Variants in CCDC15 observed in about 807,000 individuals in gnomAD.
CCDC15 encodes the protein coiled-coil domain-containing protein 15.
CCDC15 carries 105 observed loss-of-function variants against 114.5 expected under a neutral mutation model. That is an observed-to-expected ratio of 0.92 (90% confidence interval 0.78 to 1.08). The LOEUF (loss-of-function observed/expected upper bound fraction) is 1.08. Ranked by LOEUF, CCDC15 falls within the 50% of genes least tolerant of loss-of-function variation. The probability of loss-of-function intolerance (pLI) is 0.00; values close to 1 mark genes in which losing one functional copy is unlikely to be tolerated. For synonymous variants in CCDC15, 334 were observed against 377.8 expected (o/e 0.88, Z 1.34); for missense variants, 1,105 against 1,093.6 (o/e 1.01, Z -0.15).
chr11:124,974,626 G>A (rs1947943030), intron 4 of CCDC15, among the ~76,000 whole-genome samples: 1 of 152,102 alleles, frequency 6.6e-6, no homozygotes, highest in Non-Finnish European at 1.5e-5. Flanking sequence ...GGTGAAAGGA[G>A]TCATGTAAAT....
intron 13 of CCDC15, among the ~76,000 whole-genome samples, chr11:125,025,119 TATATATATGA>T (rs1259929455): frequency 1.3e-4 from 17 of 131,740 alleles, no homozygotes; most frequent in African/African-American, 3.1e-4. Context: ...TATATGTGAG[TATATATATGA>T]ATATATATGA....
At chr11:124,972,397 TCA>T (rs1412669592) in intron 4 of CCDC15, among the ~76,000 whole-genome samples, 3 of 152,186 alleles carry the variant, frequency 2.0e-5, no homozygotes, top group Non-Finnish European at 4.4e-5. Flanking sequence ...CCACAGACAT[TCA>T]CACAATTACA....
chr11:124,977,217 TC>T (rs1947988411), intron 5 of CCDC15, among the ~76,000 whole-genome samples: 1 of 152,190 alleles, frequency 6.6e-6, no homozygotes, highest in African/African-American at 2.4e-5. Context: ...TCATGAGTCT[TC>T]TGAAATTGTT....
chr11:124,998,842 G>A (rs956039699), intron 11 of CCDC15, among the ~76,000 whole-genome samples: 5 of 151,176 alleles, frequency 3.3e-5, no homozygotes, highest in South Asian at 2.1e-4. Context: ...AGGTTCAAGC[G>A]ATTCTCCTGC....
intron 4 of CCDC15, among the ~76,000 whole-genome samples, chr11:124,966,587 C>G (rs1278549792): frequency 1.3e-5 from 2 of 152,044 alleles, no homozygotes; most frequent in African/African-American, 4.8e-5. Flanking sequence ...GGTCTTGACT[C>G]TTTATTCAAT....
intron 4 of CCDC15, among the ~76,000 whole-genome samples, chr11:124,966,437 A>G (rs1591572732): frequency 6.7e-6 from 1 of 150,098 alleles, no homozygotes; most frequent in Non-Finnish European, 1.5e-5. Context: ...AGTCTGTTTT[A>G]TCAGAGACTA....
At chr11:125,010,201 ATC>A (rs1200174220) in intron 13 of CCDC15, among the ~76,000 whole-genome samples, 1 of 152,064 alleles carries the variant, frequency 6.6e-6, no homozygotes, top group East Asian at 1.9e-4. Context: ...TTTTACTAAT[ATC>A]TGTTTTGACT....
chr11:125,021,673 G>T (rs935387167), intron 13 of CCDC15, among the ~76,000 whole-genome samples: 1 of 151,836 alleles, frequency 6.6e-6, no homozygotes, highest in African/African-American at 2.4e-5. Flanking sequence ...TGTTTGTGAA[G>T]AGAGGAGTAT....
chr11:124,987,079 ATT>A (rs762439874), intron 7 of CCDC15, 46 bp from the exon 8 acceptor site: 1 of 1,435,346 alleles, frequency 7.0e-7, no homozygotes, highest in Admixed American at 3.0e-5. Flanking sequence ...AATCTAGAGT[ATT>A]GCTACTAACT....
intron 4 of CCDC15, among the ~76,000 whole-genome samples, chr11:124,968,095 G>A (rs1947815011): frequency 6.6e-6 from 1 of 152,180 alleles, no homozygotes; most frequent in Non-Finnish European, 1.5e-5. Context: ...CTCCCAGTTA[G>A]GCTACAGGAG....
chr11:124,956,799 A>G (rs1399874713), intron 2 of CCDC15, among the ~76,000 whole-genome samples: 1 of 152,214 alleles, frequency 6.6e-6, no homozygotes, highest in African/African-American at 2.4e-5. Flanking sequence ...TAGCATATCT[A>G]GTCTGGGTAT....
At chr11:124,990,279 A>G (rs1018270023) in intron 8 of CCDC15, among the ~76,000 whole-genome samples, 2 of 152,198 alleles carry the variant, frequency 1.3e-5, no homozygotes, top group African/African-American at 4.8e-5. Flanking sequence ...GCTGTCTTAG[A>G]TGAGCGTGGT....
At chr11:124,960,338 A>AT in intron 4 of CCDC15, among the ~76,000 whole-genome samples, 1 of 23,654 alleles carries the variant, frequency 4.2e-5, no homozygotes, top group East Asian at 1.6e-3. Flanking sequence ...AAAAAAAAAA[A>AT]AAAAAAAAAA....
At chr11:124,988,228 T>TA in intron 8 of CCDC15, 94 bp downstream of exon 8, 1 of 1,301,790 alleles carries the variant, frequency 7.7e-7, no homozygotes, top group Non-Finnish European at 1.0e-6. Context: ...ACCTTGGAGA[T>TA]ACTGTGGGTT....
At chr11:124,972,593 G>C (rs1327156156) in intron 4 of CCDC15, among the ~76,000 whole-genome samples, 2 of 152,016 alleles carry the variant, frequency 1.3e-5, no homozygotes, top group Non-Finnish European at 2.9e-5. Context: ...TTACCTCAAA[G>C]TTAATAACTT....
At chr11:124,993,477 G>T (rs1948306660) in intron 11 of CCDC15, among the ~76,000 whole-genome samples, 1 of 152,136 alleles carries the variant, frequency 6.6e-6, no homozygotes, top group Non-Finnish European at 1.5e-5. Context: ...CAGTCTTCTT[G>T]ACTGAAGCTT....
chr11:125,022,157 G>T (rs570882665), intron 13 of CCDC15, among the ~76,000 whole-genome samples: 2 of 151,958 alleles, frequency 1.3e-5, no homozygotes, highest in South Asian at 4.1e-4. Context: ...TCTTTTAAGA[G>T]AGCAAGATGA....
At chr11:124,958,983 A>ATT in intron 2 of CCDC15, 132 bp from the exon 3 acceptor site, 2 of 547,212 alleles carry the variant, frequency 3.7e-6, no homozygotes, top group Non-Finnish European at 3.0e-6. Context: ...CATACATTCC[A>ATT]TTTTTTTTTG....
At position 125,011,242 on chromosome 11, in the gene CCDC15, A is replaced by AT. The variant is rs558615124; in HGVS notation, c.2411+6032dup. 2.0e-4 allele frequency among the ~76,000 whole-genome samples: 29 copies of AT among 143,524 alleles called. 2 individuals are homozygous for AT. The highest frequency in any genetic ancestry group is 5.0e-4 in the African/African-American group (19 of 38,242). 94.2% of individuals were successfully genotyped at this position (143,524 alleles called of 152,430 possible). A position where few individuals can be genotyped will look rare whatever the true frequency, so the allele number is the denominator to read the frequency against. Reference sequence around the variant, plus strand: ...AAGTATTATTATTATTATTATTATTATTATTATTTTTTAAGATGGAGTTTC... The same window carrying AT: ...AAGTATTATTATTATTATTATTATTATTTATTATTTTTTAAGATGGAGTTTC... On this transcript the variant is annotated intron_variant, in intron 13 of 15. Coordinates refer to ENST00000344762, the MANE Select transcript of CCDC15 (RefSeq NM_025004.3).
Sources: allele counts gnomAD v4.1 joint callset (sites outside exome capture counted in the v4.1 genomes callset), GRCh38; gene constraint gnomAD v4.1.1; transcripts MANE v1.5; gene names NCBI Gene and HGNC (gene_info 2026-07-23, HGNC 2026-07-21).